ADAMTS12: variants seen among roughly 807,000 people sequenced by gnomAD.
ADAMTS12 encodes the protein ADAM metallopeptidase with thrombospondin type 1 motif 12, also known as A disintegrin and metalloproteinase with thrombospondin motifs 12.
ADAMTS12 carries 118 observed loss-of-function variants against 167.8 expected under a neutral mutation model. That is an observed-to-expected ratio of 0.70 (90% confidence interval 0.61 to 0.82). The LOEUF (loss-of-function observed/expected upper bound fraction) is 0.82, where lower values mean the gene tolerates loss of function less well. Ranked by LOEUF, ADAMTS12 falls within the 40% of genes least tolerant of loss-of-function variation. The pLI, the probability that ADAMTS12 is intolerant of heterozygous loss-of-function variation, is 0.00. For missense variants in ADAMTS12, 1,916 were observed against 1,998.8 expected (o/e 0.96, Z 0.79); for synonymous variants, 704 against 716.9 (o/e 0.98, Z 0.29).
At chr5:33,642,175 C>T (rs1740486252) in intron 10 of ADAMTS12, among the ~76,000 whole-genome samples, 1 of 152,168 alleles carries the variant, frequency 6.6e-6, no homozygotes, top group South Asian at 2.1e-4. Flanking sequence ...TTTACGTTGC[C>T]TAATCACACA....
At chr5:33,810,177 G>A (rs1428745504) in intron 2 of ADAMTS12, among the ~76,000 whole-genome samples, 2 of 151,968 alleles carry the variant, frequency 1.3e-5, no homozygotes, top group African/African-American at 4.8e-5. Flanking sequence ...GAACGCTACT[G>A]GGTAAACAGA....
At chr5:33,829,006 C>T (rs1270771798) in intron 2 of ADAMTS12, among the ~76,000 whole-genome samples, 1 of 152,168 alleles carries the variant, frequency 6.6e-6, no homozygotes, top group Non-Finnish European at 1.5e-5. Flanking sequence ...TTTGCCTTGT[C>T]AGCCCTGGTA....
rs778455769 is a variant in ADAMTS12, at chr5:33,636,598, A to G, written c.1888+979T>C. Among the ~76,000 whole-genome samples the G allele has an allele frequency of 1.8e-4, 28 of 152,324 alleles. 1 individual carries two copies. The highest frequency in any genetic ancestry group is 3.5e-4 in the Non-Finnish European group (24 of 68,022). Reference sequence around the variant, plus strand: ...GAGTCTTTCTTTCAAAAGCTATTGCATAAGTCATTGTTCTAACAGCCCAAA... The same window carrying G: ...GAGTCTTTCTTTCAAAAGCTATTGCGTAAGTCATTGTTCTAACAGCCCAAA... On this transcript the variant is annotated intron_variant, in intron 12 of 23. Transcript: ENST00000504830.
intron 2 of ADAMTS12, among the ~76,000 whole-genome samples, chr5:33,787,101 A>G (rs1746357493): frequency 6.6e-6 from 1 of 151,298 alleles, no homozygotes; most frequent in Non-Finnish European, 1.5e-5. Context: ...ATAAGACTAT[A>G]CCCCCCAACC....
intron 2 of ADAMTS12, among the ~76,000 whole-genome samples, chr5:33,872,464 T>G (rs937800466): frequency 2.0e-5 from 3 of 151,832 alleles, no homozygotes; most frequent in Non-Finnish European, 2.9e-5. Context: ...GGAGAATCGC[T>G]TGAACTCGGG....
At chr5:33,536,376 A>T (rs1744406374) in intron 22 of ADAMTS12, among the ~76,000 whole-genome samples, 1 of 152,042 alleles carries the variant, frequency 6.6e-6, no homozygotes, top group Admixed American at 6.5e-5. Context: ...TTTATTTTTT[A>T]TTTTTGGCAA....
At chr5:33,880,297 T>C (rs1165226645) in intron 2 of ADAMTS12, among the ~76,000 whole-genome samples, 1 of 152,164 alleles carries the variant, frequency 6.6e-6, no homozygotes, top group Non-Finnish European at 1.5e-5. Flanking sequence ...AATAATAAAA[T>C]ACAATAACAG....
intron 3 of ADAMTS12, among the ~76,000 whole-genome samples, chr5:33,686,499 T>C (rs527964387): frequency 2.0e-4 from 31 of 152,236 alleles, no homozygotes; most frequent in Non-Finnish European, 3.8e-4. Context: ...CTACCTTTTA[T>C]CCCTCAGTGT....
rs142050501 is a variant in ADAMTS12 at position 33,807,168 on chromosome 5, C to G, written c.490-55620G>C. ...TTTATCTCCTCCAGGGTTCCACATT[C>G]CCTTCGGCCTTTGGACTTTTGTACT... On this transcript the variant is annotated intron_variant, in intron 2 of 23. Transcript: ENST00000504830. 1.1e-4 allele frequency among the ~76,000 whole-genome samples: 17 copies of G among 152,300 alleles called. No homozygotes were observed. The East Asian group carries it at 2.3e-3, about 21-fold the overall frequency.
intron 2 of ADAMTS12, among the ~76,000 whole-genome samples, chr5:33,818,625 T>C (rs1747753331): frequency 6.6e-6 from 1 of 152,124 alleles, no homozygotes; most frequent in Non-Finnish European, 1.5e-5. Flanking sequence ...GTTAGTTCTA[T>C]TTTTAATTTC....
intron 10 of ADAMTS12, among the ~76,000 whole-genome samples, chr5:33,642,321 T>A (rs1367419560): frequency 6.6e-6 from 1 of 152,218 alleles, no homozygotes; most frequent in African/African-American, 2.4e-5. Flanking sequence ...GTAACATAGT[T>A]GATTTGCTTT....
intron 2 of ADAMTS12, among the ~76,000 whole-genome samples, chr5:33,798,260 G>A (rs530288341): frequency 7.3e-5 from 11 of 151,158 alleles, no homozygotes; most frequent in South Asian, 6.3e-4. Context: ...CCACAGACTG[G>A]GTGGCTTAAA....
intron 6 of ADAMTS12, among the ~76,000 whole-genome samples, chr5:33,660,387 T>G (rs1741214143): frequency 6.6e-6 from 1 of 152,182 alleles, no homozygotes; most frequent in African/African-American, 2.4e-5. Flanking sequence ...TATGAATGAT[T>G]AATAGTAGCC....
At chr5:33,560,938 C>A (rs1294745236) in intron 20 of ADAMTS12, 89 bp downstream of exon 20, 27 of 1,268,474 alleles carry the variant, frequency 2.1e-5, no homozygotes, top group South Asian at 4.5e-5. Context: ...AAAAAAAAAA[C>A]GACTTTAGCA....
rs186402629 is a variant in ADAMTS12 at position 33,832,568 on chromosome 5, G to C, written c.489+48551C>G. ...AACAAATGTGCAAGTAAATGTGTTA[G>C]ACATTAAAGACTCAGCAAAACGTGT... is the stretch of plus-strand genomic sequence containing the variant. On this transcript the variant is annotated intron_variant, in intron 2 of 23. Coordinates refer to ENST00000504830, the MANE Select transcript of ADAMTS12 (RefSeq NM_030955.4). 1.5e-3 allele frequency among the ~76,000 whole-genome samples: 229 copies of C among 152,302 alleles called. 8 individuals carry two copies. The highest frequency in any genetic ancestry group is 0.014 in the Admixed American group (221 of 15,294).
In ADAMTS12 at chr5:33,523,891, A is replaced by C. The variant is rs1743689708; in HGVS notation, c.*3297T>G. 1 of 152,220 alleles carries C rather than the reference A, an allele frequency of 6.6e-6. No individual in the cohort carries two copies. The allele number at this position is 152,220 out of a possible 1,614,324, so 9.4% of individuals were successfully genotyped here. A position where few individuals can be genotyped will look rare whatever the true frequency, so the allele number is the denominator to read the frequency against. Reference sequence around the variant, plus strand: ...CTCCTTCAAAAGTGAATCACTGTGGACCAAGCACCAGAAACATCGTCCCAA... The same window carrying C: ...CTCCTTCAAAAGTGAATCACTGTGGCCCAAGCACCAGAAACATCGTCCCAA... On this transcript the variant is annotated 3_prime_UTR_variant, in exon 24 of 24. Transcript: ENST00000504830.
In ADAMTS12 at chr5:33,588,633, C is replaced by T. The variant is rs767747447; in HGVS notation, c.2831G>A (p.Cys944Tyr). Residue 944 changes from cysteine to tyrosine, a missense_variant, in exon 18 of 24, where the codon TGC (cysteine) becomes TAC (tyrosine). Transcript: ENST00000504830. ...GTTGCCCACTGTCCAGTCCGAGGGGCACAGGATGTCTCTGTTGCAGGAAAG... is the reference window on the plus strand; with the variant it reads ...GTTGCCCACTGTCCAGTCCGAGGGGTACAGGATGTCTCTGTTGCAGGAAAG... The part of the protein sequence containing the change: ...TLLSCNRDIL[C>Y]PSDWTVGNWS... 30 of 1,614,172 alleles carry T rather than the reference C, an allele frequency of 1.9e-5. 1 individual carries two copies. The South Asian group carries it at 3.3e-4, about 18-fold the overall frequency.
intron 20 of ADAMTS12, among the ~76,000 whole-genome samples, chr5:33,554,309 A>G (rs1745395330): frequency 6.6e-6 from 1 of 152,156 alleles, no homozygotes; most frequent in African/African-American, 2.4e-5. Flanking sequence ...AGCAGGGGGT[A>G]GGGGTAGACA....
In ADAMTS12 at chr5:33,796,911, A is replaced by G. The variant is rs907261219; in HGVS notation, c.490-45363T>C. The stretch of plus-strand genomic sequence containing the variant: ...GACTCCCTAAGTCCAGCCTTTGGGA[A>G]TGGAAGACTGGATGATGAACTCAGT... On this transcript the variant is annotated intron_variant, in intron 2 of 23. Coordinates refer to ENST00000504830, the MANE Select transcript of ADAMTS12 (RefSeq NM_030955.4). Among the ~76,000 whole-genome samples, 5 of 152,192 alleles carry G rather than the reference A, an allele frequency of 3.3e-5. No homozygotes were observed. The East Asian group carries it at 5.8e-4, about 18-fold the overall frequency.
Sources: allele counts gnomAD v4.1 joint callset (sites outside exome capture counted in the v4.1 genomes callset), GRCh38; gene constraint gnomAD v4.1.1; transcripts MANE v1.5; gene names NCBI Gene and HGNC (gene_info 2026-07-23, HGNC 2026-07-21).